Variants in COX15 observed in about 807,000 individuals in gnomAD.
COX15 encodes heme A synthase COX15.
A neutral mutation model predicts 51.9 loss-of-function variants in COX15; 51 were observed. That is an observed-to-expected ratio of 0.98 (90% confidence interval 0.78 to 1.24). The LOEUF is 1.24. COX15 is among the 50% of genes most tolerant of loss of function. The probability of loss-of-function intolerance (pLI) is 0.00; values close to 1 mark genes in which losing one functional copy is unlikely to be tolerated. For synonymous variants in COX15, 188 were observed against 190.5 expected, an observed-to-expected ratio of 0.99 and a Z score of 0.11; for missense variants, 420 against 501.1, an observed-to-expected ratio of 0.84 and a Z score of 1.55.
chr10:99,702,697 G>A, the COX15 span: 1 of 1,584,472 alleles, frequency 6.3e-7, no homozygotes, highest in Non-Finnish European at 8.6e-7. Context: ...GACCAATCTG[G>A]TATCTTGAGC....
the COX15 span, among the ~76,000 whole-genome samples, chr10:99,700,574 G>T: frequency 1.2e-3 from 176 of 152,264 alleles, 1 homozygote; most frequent in Middle Eastern, 3.4e-3. Context: ...CAAACCAAAA[G>T]GAATGATTAT....
In COX15 at chr10:99,712,306, G is replaced by C; in HGVS notation, c.*2281C>G. 1 of 985,350 alleles carries C rather than the reference G, an allele frequency of 1.0e-6. No individual in the cohort carries two copies. The highest frequency in any genetic ancestry group is 1.2e-6 in the Non-Finnish European group (1 of 829,898). 61.0% of individuals were successfully genotyped at this position (985,350 alleles called of 1,614,324 possible). On this transcript the variant is annotated 3_prime_UTR_variant, in exon 9 of 9. Transcript: ENST00000016171. The stretch of plus-strand genomic sequence containing the variant: ...GAGATCACCTAGTTCAGAGACTAAC[G>C]GGAAACGTTAGGTCATTTATGGCTC...
At chr10:99,728,171 G>A (rs1202316398) in intron 2 of COX15, among the ~76,000 whole-genome samples, 1 of 152,162 alleles carries the variant, frequency 6.6e-6, no homozygotes, top group African/African-American at 2.4e-5. Flanking sequence ...GATGAGCTCG[G>A]AACATCTTGT....
At position 99,711,495 on chromosome 10, in the gene COX15, G is replaced by C. The variant is rs1282668809; in HGVS notation, c.*3092C>G. 3.0e-6 allele frequency: 3 copies of C among 985,266 alleles called. No homozygotes were observed. The Admixed American group carries it at 1.8e-4, about 61-fold the overall frequency. 61.0% of individuals were successfully genotyped at this position (985,266 alleles called of 1,614,324 possible). ...AACATAGCAGATCAAATGATAAGGT[G>C]GGGTGGAAATTAGAAGGGAATGGGA... On this transcript the variant is annotated 3_prime_UTR_variant, in exon 9 of 9. Coordinates refer to ENST00000016171, the MANE Select transcript of COX15 (RefSeq NM_078470.6).
Position 99,716,429 on chromosome 10 carries a change from G to A in COX15, c.1020C>T (p.Leu340=). 1 of 1,613,830 alleles carries A rather than the reference G, an allele frequency of 6.2e-7. No homozygotes were observed. The highest frequency in any genetic ancestry group is 8.5e-7 in the Non-Finnish European group (1 of 1,179,820). ...GITSVTAITV[L]YFLSRRIPLP... ...GGGGAATTCTCCGAGAGAGGAAGTA[G>A]AGCACTGTAATGGCAGTGACTGAAG... The change falls in exon 8 of 9, where the codon CTC becomes CTT. Residue 340 remains leucine, a synonymous_variant. Coordinates refer to ENST00000016171, the MANE Select transcript of COX15 (RefSeq NM_078470.6).
At position 99,712,255 on chromosome 10, in the gene COX15, C is replaced by T; in HGVS notation, c.*2332G>A. ...GTACACTACAGGTCACAGAAACTTA[C>T]AGAGTACTGGAGTTGAAAGAGAACT... On this transcript the variant is annotated 3_prime_UTR_variant, in exon 9 of 9. Coordinates refer to ENST00000016171, the MANE Select transcript of COX15 (RefSeq NM_078470.6). The T allele has an allele frequency of 1.2e-5, 12 of 985,446 alleles. No individual in the cohort carries two copies. The highest frequency in any genetic ancestry group is 1.3e-5 in the Non-Finnish European group (11 of 829,960). 61.0% of individuals were successfully genotyped at this position (985,446 alleles called of 1,614,324 possible).
chr10:99,703,013 G>C, the COX15 span, among the ~76,000 whole-genome samples: 1 of 152,098 alleles, frequency 6.6e-6, no homozygotes. Flanking sequence ...TGTCATTCTT[G>C]GGTTACCCTG....
chr10:99,709,156 A>G, downstream of COX15: 1 of 985,094 alleles, frequency 1.0e-6, no homozygotes, highest in Non-Finnish European at 1.2e-6. Context: ...ACTACAGCCT[A>G]GATGAAGGTA....
the COX15 span, chr10:99,701,170 T>C: frequency 3.0e-6 from 3 of 983,766 alleles, no homozygotes; most frequent in Admixed American, 6.2e-5. Flanking sequence ...AGCATTTGAT[T>C]ATTCCAGACT....
Position 99,711,082 on chromosome 10 carries a change from G to A in COX15, c.*3505C>T. On this transcript the variant is annotated 3_prime_UTR_variant, in exon 9 of 9. Transcript: ENST00000016171. ...CAATATTTGATATGTGTCTGGGAGTGCTGGGAATAACATAAATACAAAAAA... is the reference window on the plus strand; with the variant it reads ...CAATATTTGATATGTGTCTGGGAGTACTGGGAATAACATAAATACAAAAAA... 2.1e-6 allele frequency: 2 copies of A among 956,374 alleles called. No homozygotes were observed. The highest frequency in any genetic ancestry group is 2.4e-6 in the Non-Finnish European group (2 of 819,802). The allele number at this position is 956,374 out of a possible 1,614,324, so 59.2% of individuals were successfully genotyped here. A position where few individuals can be genotyped will look rare whatever the true frequency, so the allele number is the denominator to read the frequency against.
chr10:99,721,048 G>A lies in COX15; in HGVS notation c.771C>T (p.Leu257=). The change falls in exon 6 of 9, where the codon CTC becomes CTT. Residue 257 remains leucine, a synonymous_variant. Transcript: ENST00000016171. The stretch of plus-strand genomic sequence containing the variant: ...CATGAGCAAATCGTCTCAACTGTAG[G>A]AGTTGGTGGGTTTCAGGCAACTAAA... ...PPHKLPETHQ[L]LQLRRFAHGT... 1 of 1,613,490 alleles carries A rather than the reference G, an allele frequency of 6.2e-7. No individual in the cohort carries two copies. The highest frequency in any genetic ancestry group is 2.2e-5 in the East Asian group (1 of 44,868).
At chr10:99,706,794 C>T (rs1045860060), downstream of COX15, among the ~76,000 whole-genome samples, 1 of 152,126 alleles carries the variant, frequency 6.6e-6, no homozygotes, top group Non-Finnish European at 1.5e-5. Flanking sequence ...TTTTAGCTGC[C>T]TACTCAGGTA....
intron 7 of COX15, among the ~76,000 whole-genome samples, chr10:99,717,147 C>T (rs1564645484): frequency 1.3e-5 from 2 of 152,156 alleles, no homozygotes; most frequent in Non-Finnish European, 2.9e-5. Context: ...GCCCAGCCCC[C>T]GTTGGACAGC....
chr10:99,715,458 A>G (rs6584317), intron 8 of COX15, among the ~76,000 whole-genome samples: 127,971 of 152,148 alleles, frequency 0.84, 54,050 homozygotes, highest in Middle Eastern at 0.92. Flanking sequence ...TTAACTATTT[A>G]GGTTGTTTCC....
the COX15 span, chr10:99,696,187 TACTC>T: frequency 2.1e-5 from 33 of 1,565,238 alleles, no homozygotes; most frequent in Non-Finnish European, 2.7e-5. Flanking sequence ...TAGGGAGAAA[TACTC>T]ACATCCTCCT....
chr10:99,714,387 A>C lies in COX15; in HGVS notation c.*200T>G. On this transcript the variant is annotated 3_prime_UTR_variant, in exon 9 of 9. Coordinates refer to ENST00000016171, the MANE Select transcript of COX15 (RefSeq NM_078470.6). ...TTTTCAACATGAAAAGCAGATTTAA[A>C]AGGGAACATTTAGGGTAACCACACT... The C allele has an allele frequency of 7.1e-7, 1 of 1,401,864 alleles. No individual in the cohort carries two copies. The highest frequency in any genetic ancestry group is 9.3e-7 in the Non-Finnish European group (1 of 1,078,736). The allele number at this position is 1,401,864 out of a possible 1,614,324, so 86.8% of individuals were successfully genotyped here. A position where few individuals can be genotyped will look rare whatever the true frequency, so the allele number is the denominator to read the frequency against.
downstream of COX15, chr10:99,708,788 G>T: frequency 1.0e-5 from 10 of 981,448 alleles, no homozygotes; most frequent in Non-Finnish European, 1.2e-5. Context: ...TAGAGCAGTT[G>T]TAATATGTGC....
At chr10:99,696,140 T>C in the COX15 span, 3 of 1,611,586 alleles carry the variant, frequency 1.9e-6, no homozygotes, top group Non-Finnish European at 2.5e-6. Context: ...TGATATGGGA[T>C]CTGAGTTTCT....
At chr10:99,728,637 C>T (rs116699530) in intron 2 of COX15, among the ~76,000 whole-genome samples, 2,221 of 152,244 alleles carry the variant, frequency 0.015, 59 homozygotes, top group African/African-American at 0.051. Flanking sequence ...CAGATATTCA[C>T]GAATGTTCTA....
Sources: allele counts gnomAD v4.1 joint callset (sites outside exome capture counted in the v4.1 genomes callset), GRCh38; gene constraint gnomAD v4.1.1; transcripts MANE v1.5; gene names NCBI Gene and HGNC (gene_info 2026-07-23, HGNC 2026-07-21).